The following KCNH5 variants were observed in gnomAD, a reference collection of about 807,000 sequenced individuals.
The protein encoded by KCNH5 is voltage-gated delayed rectifier potassium channel KCNH5.
A neutral mutation model predicts 96.1 loss-of-function variants in KCNH5; 46 were observed. The observed-to-expected ratio is 0.48, with a 90% CI of 0.38 to 0.61. The LOEUF (loss-of-function observed/expected upper bound fraction) is 0.61. KCNH5 is among the 20% of genes least tolerant of loss of function. The pLI, the probability that KCNH5 is intolerant of heterozygous loss-of-function variation, is 0.00. For synonymous variants in KCNH5, 439 were observed against 449.8 expected (o/e 0.98, Z 0.30); for missense variants, 907 against 1,225.8 (o/e 0.74, Z 3.88).
intron 5 of KCNH5, among the ~76,000 whole-genome samples, chr14:62,983,809 T>C (rs1190026044): frequency 6.6e-6 from 1 of 152,168 alleles, no homozygotes; most frequent in African/African-American, 2.4e-5. Context: ...TTCAAAACCT[T>C]CCCAGGTGAT....
chr14:62,806,165 AG>A (rs1466941222), intron 8 of KCNH5, among the ~76,000 whole-genome samples: 5 of 152,156 alleles, frequency 3.3e-5, no homozygotes, highest in Non-Finnish European at 7.4e-5. Flanking sequence ...AACGTCAGAA[AG>A]TTATCCAATA....
At chr14:62,748,114 C>A (rs1885418134) in intron 10 of KCNH5, among the ~76,000 whole-genome samples, 1 of 152,044 alleles carries the variant, frequency 6.6e-6, no homozygotes, top group Non-Finnish European at 1.5e-5. Context: ...CAGGGTGAGT[C>A]CACAGTGCTA....
chr14:63,027,394 G>T (rs1310650892), intron 1 of KCNH5, among the ~76,000 whole-genome samples: 2 of 151,012 alleles, frequency 1.3e-5, no homozygotes, highest in African/African-American at 4.9e-5. Context: ...ATATGAAATA[G>T]CTTGACTTAG....
At chr14:62,988,113 G>T (rs1042373425) in intron 4 of KCNH5, among the ~76,000 whole-genome samples, 1 of 151,976 alleles carries the variant, frequency 6.6e-6, no homozygotes, top group African/African-American at 2.4e-5. Context: ...GCCTCAAATT[G>T]CCAGTAATAA....
intron 10 of KCNH5, among the ~76,000 whole-genome samples, chr14:62,769,624 G>A (rs557685643): frequency 1.3e-5 from 2 of 152,166 alleles, no homozygotes; most frequent in African/African-American, 2.4e-5. Flanking sequence ...CTCTAATCGT[G>A]ATTTAACACC....
At chr14:63,024,508 GAA>G (rs1390284192) in intron 1 of KCNH5, among the ~76,000 whole-genome samples, 1 of 151,846 alleles carries the variant, frequency 6.6e-6, no homozygotes, top group African/African-American at 2.4e-5. Context: ...TTGGTTTTTT[GAA>G]AAGATAAGCA....
intron 10 of KCNH5, among the ~76,000 whole-genome samples, chr14:62,733,988 A>G (rs1885104343): frequency 6.6e-6 from 1 of 152,166 alleles, no homozygotes. Context: ...AGACACAACC[A>G]TCTATATATT....
chr14:62,958,146 T>C (rs1190529386), intron 6 of KCNH5, among the ~76,000 whole-genome samples: 1 of 152,206 alleles, frequency 6.6e-6, no homozygotes, highest in African/African-American at 2.4e-5. Flanking sequence ...GTGTGTAAAG[T>C]AAGATTTAAT....
At chr14:62,763,926 C>T (rs1161192595) in intron 10 of KCNH5, among the ~76,000 whole-genome samples, 2 of 152,120 alleles carry the variant, frequency 1.3e-5, no homozygotes, top group African/African-American at 4.8e-5. Flanking sequence ...CTGGACAAGA[C>T]AGATTCATAC....
chr14:63,011,285 C>A lies in KCNH5; in HGVS notation c.198-4813G>T, dbSNP rs543825474. Among the ~76,000 whole-genome samples, 3 of 151,782 alleles carry A rather than the reference C, an allele frequency of 2.0e-5. No individual in the cohort carries two copies. The South Asian group carries it at 6.3e-4, about 32-fold the overall frequency. ...ATCACCTTAAGTCAGGAGTTCGAGA[C>A]CAGCCTGGCCAGCTGAAACCCCATC... On this transcript the variant is annotated intron_variant, in intron 2 of 10. Transcript: ENST00000322893.
At chr14:62,944,436 G>GA (rs1334433923) in intron 7 of KCNH5, among the ~76,000 whole-genome samples, 2 of 151,882 alleles carry the variant, frequency 1.3e-5, no homozygotes, top group African/African-American at 2.4e-5. Context: ...TGGCACAAGT[G>GA]AAAAAATGAA....
intron 1 of KCNH5, among the ~76,000 whole-genome samples, chr14:63,020,459 T>C (rs527661481): frequency 6.6e-6 from 1 of 152,070 alleles, no homozygotes; most frequent in South Asian, 2.1e-4. Flanking sequence ...ACACAAGGAG[T>C]ACTACTCAGC....
intron 10 of KCNH5, among the ~76,000 whole-genome samples, chr14:62,750,724 A>C (rs1035498369): frequency 6.6e-6 from 1 of 152,234 alleles, no homozygotes; most frequent in Non-Finnish European, 1.5e-5. Context: ...ATGAAGTACC[A>C]GAAAGGCATA....
chr14:62,841,850 T>A (rs1055355687), intron 8 of KCNH5, among the ~76,000 whole-genome samples: 1 of 152,246 alleles, frequency 6.6e-6, no homozygotes, highest in African/African-American at 2.4e-5. Context: ...TGGAACCTGA[T>A]GCTTATGGTC....
chr14:62,795,540 T>G (rs1245441972), intron 9 of KCNH5, among the ~76,000 whole-genome samples: 1 of 152,174 alleles, frequency 6.6e-6, no homozygotes, highest in Non-Finnish European at 1.5e-5. Flanking sequence ...ATAGGTTGTA[T>G]GCAAATACTA....
At chr14:62,783,489 T>G (rs543311231) in intron 9 of KCNH5, among the ~76,000 whole-genome samples, 2 of 152,348 alleles carry the variant, frequency 1.3e-5, no homozygotes, top group South Asian at 2.1e-4. Context: ...TTCTCTATGA[T>G]TCATTTCTGT....
At chr14:62,772,514 G>A (rs892537834) in intron 10 of KCNH5, among the ~76,000 whole-genome samples, 1 of 151,772 alleles carries the variant, frequency 6.6e-6, no homozygotes, top group Non-Finnish European at 1.5e-5. Flanking sequence ...TCGTGCACCT[G>A]TAATCCCAGC....
chr14:62,854,013 AAAAAACAAAAAAAAC>A (rs1189309052), intron 7 of KCNH5, among the ~76,000 whole-genome samples: 2 of 141,724 alleles, frequency 1.4e-5, no homozygotes, highest in African/African-American at 2.6e-5. Context: ...TCAAAAAAAA[AAAAAACAAAAAAAAC>A]AAAAAAAACA....
intron 10 of KCNH5, among the ~76,000 whole-genome samples, chr14:62,745,547 T>C (rs1238376929): frequency 2.6e-5 from 4 of 152,196 alleles, no homozygotes; most frequent in African/African-American, 4.8e-5. Context: ...CAATTTTCTT[T>C]AAACAATCCC....
Sources: gnomAD v4.1 joint callset for allele counts (sites outside exome capture counted in the v4.1 genomes callset) on GRCh38, gnomAD v4.1.1 for gene constraint, MANE v1.5 for transcripts, NCBI Gene and HGNC (gene_info 2026-07-23, HGNC 2026-07-21) for gene names.